The following CSMD1 variants were observed in gnomAD, a reference collection of about 807,000 sequenced individuals.
CSMD1 encodes CUB and Sushi multiple domains 1, also known as CUB and sushi domain-containing protein 1.
A neutral mutation model predicts 417.5 loss-of-function variants in CSMD1; 213 were observed. The ratio of observed to expected loss-of-function variants is 0.51; its 90% confidence interval spans 0.46 to 0.57. CSMD1 has a LOEUF of 0.57. Ranked by LOEUF, CSMD1 falls within the 20% of genes least tolerant of loss-of-function variation. CSMD1 has a pLI of 0.00. For missense variants in CSMD1, 6,923 were observed against 4,529.7 expected, an observed-to-expected ratio of 1.53 and a Z score of -15.17; for synonymous variants, 2,862 against 1,736.8, an observed-to-expected ratio of 1.65 and a Z score of -16.11.
chr8:4,106,665 A>T (rs1381001458), intron 3 of CSMD1, among the ~76,000 whole-genome samples: 1 of 152,252 alleles, frequency 6.6e-6, no homozygotes, highest in Non-Finnish European at 1.5e-5. Flanking sequence ...CTATAAAAAC[A>T]GTAAAACATT....
intron 3 of CSMD1, among the ~76,000 whole-genome samples, chr8:4,417,948 C>G (rs1403683491): frequency 6.6e-6 from 1 of 151,994 alleles, no homozygotes; most frequent in Non-Finnish European, 1.5e-5. Flanking sequence ...TAAAAGCTCT[C>G]TTCTACTCTA....
intron 1 of CSMD1, among the ~76,000 whole-genome samples, chr8:4,680,443 C>A (rs905645898): frequency 1.4e-4 from 22 of 152,142 alleles, no homozygotes; most frequent in African/African-American, 4.8e-4. Flanking sequence ...AGTGACGTAC[C>A]ATGTTCTCAT....
chr8:4,196,670 C>T (rs898647048), intron 3 of CSMD1, among the ~76,000 whole-genome samples: 2 of 152,138 alleles, frequency 1.3e-5, no homozygotes, highest in African/African-American at 4.8e-5. Context: ...CATTCTTCTG[C>T]CTCTTTCTAC....
chr8:4,128,756 C>T (rs528590308), intron 3 of CSMD1, among the ~76,000 whole-genome samples: 7 of 152,214 alleles, frequency 4.6e-5, no homozygotes, highest in African/African-American at 1.7e-4. Flanking sequence ...ACACCACAGC[C>T]TCACACCCAC....
chr8:4,190,965 G>C (rs1361259117), intron 3 of CSMD1, among the ~76,000 whole-genome samples: 5 of 150,974 alleles, frequency 3.3e-5, no homozygotes, highest in Non-Finnish European at 1.5e-5. Flanking sequence ...GGGGGGGCGG[G>C]GAAGGGAGAG....
At chr8:3,848,569 G>C (rs971724180) in intron 5 of CSMD1, among the ~76,000 whole-genome samples, 8 of 152,110 alleles carry the variant, frequency 5.3e-5, no homozygotes, top group African/African-American at 1.9e-4. Flanking sequence ...CCTTTGTGCT[G>C]CTCCTTGTAA....
In CSMD1 at chr8:3,846,435, C is replaced by G. The variant is rs565245797; in HGVS notation, c.819-92393G>C. On this transcript the variant is annotated intron_variant, in intron 5 of 69. Transcript: ENST00000635120. ...TAAGTTTTGATTAGCCCCAACTGAT[C>G]AAGAAGATGACAGTTACTCAAAATA... Among the ~76,000 whole-genome samples, 10 of 152,210 alleles carry G rather than the reference C, an allele frequency of 6.6e-5. No homozygotes were observed. The South Asian group carries it at 2.1e-3, about 32-fold the overall frequency.
chr8:4,975,752 A>G (rs1415260033), intron 1 of CSMD1, among the ~76,000 whole-genome samples: 2 of 152,214 alleles, frequency 1.3e-5, no homozygotes, highest in Admixed American at 1.3e-4. Context: ...GACACGGCCA[A>G]CTGTTTCCAT....
chr8:4,463,004 A>G (rs539075089), intron 2 of CSMD1, among the ~76,000 whole-genome samples: 1 of 152,354 alleles, frequency 6.6e-6, no homozygotes, highest in African/African-American at 2.4e-5. Context: ...TTAGAACAGA[A>G]AAAGATCTAT....
intron 49 of CSMD1, among the ~76,000 whole-genome samples, chr8:3,082,654 G>C (rs1272012222): frequency 2.0e-5 from 3 of 152,172 alleles, no homozygotes; most frequent in Admixed American, 2.0e-4. Flanking sequence ...CTTAATACTT[G>C]TATGAGGCTT....
chr8:3,751,299 A>AGTGT (rs67753470), intron 6 of CSMD1, among the ~76,000 whole-genome samples: 41,252 of 139,908 alleles, frequency 0.29, 6,876 homozygotes, highest in East Asian at 0.44. Context: ...ATACAATTGA[A>AGTGT]GTGTGTGTGT....
chr8:4,860,019 A>G (rs1802031770), intron 1 of CSMD1, among the ~76,000 whole-genome samples: 1 of 152,172 alleles, frequency 6.6e-6, no homozygotes, highest in Non-Finnish European at 1.5e-5. Flanking sequence ...CCAAATGTCC[A>G]ACAATGATAG....
chr8:4,256,055 G>C (rs950736713), intron 3 of CSMD1, among the ~76,000 whole-genome samples: 2 of 152,174 alleles, frequency 1.3e-5, no homozygotes, highest in Non-Finnish European at 1.5e-5. Context: ...TGCAACGATT[G>C]CATATTTCCT....
chr8:3,714,363 T>C (rs1288119138), intron 6 of CSMD1, among the ~76,000 whole-genome samples: 1 of 150,460 alleles, frequency 6.6e-6, no homozygotes, highest in African/African-American at 2.4e-5. Context: ...CTTTTTATAG[T>C]ATCACAGCAA....
chr8:3,496,364 G>A (rs1053752700), intron 10 of CSMD1, among the ~76,000 whole-genome samples: 4 of 152,174 alleles, frequency 2.6e-5, no homozygotes, highest in Non-Finnish European at 5.9e-5. Context: ...ATTGAGGGCA[G>A]ACACCATGTG....
intron 3 of CSMD1, among the ~76,000 whole-genome samples, chr8:4,173,525 C>A (rs1797878190): frequency 6.6e-6 from 1 of 151,976 alleles, no homozygotes; most frequent in Admixed American, 6.6e-5. Flanking sequence ...TAAACACCAT[C>A]CTCTTGTGGT....
At chr8:4,368,501 G>A (rs1183402988) in intron 3 of CSMD1, among the ~76,000 whole-genome samples, 1 of 152,142 alleles carries the variant, frequency 6.6e-6, no homozygotes, top group Non-Finnish European at 1.5e-5. Context: ...GACTTAGAGA[G>A]AAGTCCCTCT....
intron 5 of CSMD1, among the ~76,000 whole-genome samples, chr8:3,879,700 T>A (rs1008465318): frequency 1.3e-5 from 2 of 151,284 alleles, no homozygotes; most frequent in Admixed American, 6.6e-5. Context: ...CAGAAAAAAA[T>A]GAAAGGCTAA....
intron 3 of CSMD1, among the ~76,000 whole-genome samples, chr8:4,100,909 G>T (rs1304858968): frequency 6.6e-6 from 1 of 152,192 alleles, no homozygotes; most frequent in Non-Finnish European, 1.5e-5. Context: ...AGAACAGAAA[G>T]TGGTGTATAT....
Sources: gnomAD v4.1 joint callset for allele counts (sites outside exome capture counted in the v4.1 genomes callset) on GRCh38, gnomAD v4.1.1 for gene constraint, MANE v1.5 for transcripts, NCBI Gene and HGNC (gene_info 2026-07-23, HGNC 2026-07-21) for gene names.